PSME4: variants seen among roughly 807,000 people sequenced by gnomAD.
PSME4 encodes the protein proteasome activator complex subunit 4.
PSME4 carries 89 observed loss-of-function variants against 253.9 expected under a neutral mutation model. The ratio of observed to expected loss-of-function variants is 0.35; its 90% CI spans 0.30 to 0.42. The LOEUF (loss-of-function observed/expected upper bound fraction) is 0.42. Among genes scored for constraint, PSME4 ranks in the 10% least tolerant of loss-of-function variants. The probability of loss-of-function intolerance (pLI) is 1.00; values close to 1 mark genes in which losing one functional copy is unlikely to be tolerated. For missense variants in PSME4, 2,014 were observed against 2,195.2 expected, an observed-to-expected ratio of 0.92 and a Z score of 1.65; for synonymous variants, 851 against 759.2, an observed-to-expected ratio of 1.12 and a Z score of -1.99.
At chr2:53,942,459 A>G (rs1669496026) in intron 3 of PSME4, among the ~76,000 whole-genome samples, 1 of 152,054 alleles carries the variant, frequency 6.6e-6, no homozygotes, top group Non-Finnish European at 1.5e-5. Flanking sequence ...AAGATACATC[A>G]GGTTGAAAAA....
In PSME4 at chr2:53,893,778, G is replaced by T. The variant is rs765833532; in HGVS notation, c.3934C>A (p.His1312Asn). 9.3e-6 allele frequency: 15 copies of T among 1,609,126 alleles called. No homozygotes were observed. The highest frequency in any genetic ancestry group is 1.3e-5 in the Non-Finnish European group (15 of 1,177,628). The change falls in exon 35 of 47, where the codon CAT becomes AAT. Residue 1312 changes from histidine (H) to asparagine (N), a missense_variant. By Grantham distance (68) the His-to-Asn change is moderately conservative. Around this residue, in one of 4 missense-constraint regions of PSME4, gnomAD observed 989 missense variants for 1,021.1 expected, o/e 0.97. Coordinates refer to ENST00000404125, the MANE Select transcript of PSME4 (RefSeq NM_014614.3). Reference sequence around the variant, plus strand: ...TCAACAAATTTAGGATCAGAAAAATGATCAAATATAATCTGTTCTGCCTAT... The same window carrying T: ...TCAACAAATTTAGGATCAGAAAAATTATCAAATATAATCTGTTCTGCCTAT... The part of the protein sequence containing the change: ...MTEAEQIIFD[H>N]FSDPKFVEQL...
intron 3 of PSME4, among the ~76,000 whole-genome samples, chr2:53,946,238 G>A (rs896127844): frequency 2.0e-5 from 3 of 152,190 alleles, no homozygotes; most frequent in Non-Finnish European, 4.4e-5. Flanking sequence ...TGGTTATGAA[G>A]CAGCAAGAAG....
intron 1 of PSME4, among the ~76,000 whole-genome samples, chr2:53,954,972 G>A (rs141822471): frequency 0.011 from 1,640 of 151,944 alleles, 32 homozygotes; most frequent in African/African-American, 0.037. Context: ...TTGAGGACAG[G>A]AATTCAAGAC....
rs1419682037 is a variant in PSME4, at chr2:53,970,532, G to A, written c.242+11C>T. The A allele has an allele frequency of 1.3e-6, 2 of 1,547,800 alleles. No homozygotes were observed. The highest frequency in any genetic ancestry group is 1.2e-5 in the South Asian group (1 of 83,934). On this transcript the variant is annotated intron_variant, in intron 1 of 46. Transcript: ENST00000404125. ...CCCCCCGGCCCGGCCCGCAGGCCCG[G>A]GCACACTTACGTGGAGAGTTTCCTG...
chr2:53,970,568 G>C lies in PSME4; in HGVS notation c.217C>G (p.Leu73Val), dbSNP rs758183441. 2.6e-5 allele frequency: 41 copies of C among 1,548,164 alleles called. 1 individual carries two copies. In the South Asian group the frequency reaches 4.8e-4, roughly 18 times the overall value. Residue 73 changes from leucine to valine, a missense_variant, in exon 1 of 47, where the codon CTC becomes GTC. Physicochemically the swap from Leu to Val is conservative, Grantham distance 32. This residue lies in a region of PSME4 where 615 missense variants were observed against 594.4 expected (regional missense o/e 1.03). Transcript: ENST00000404125. ...GTGGAGAGTTTCCTGGTCCAGAAGA[G>C]GCCCCCGGGCCACAGCTCTTGGAGC... The part of the protein sequence containing the change: ...VQLQELWPGG[L>V]FWTRKLSTYI...
At chr2:53,947,445 C>T (rs1232033072) in intron 3 of PSME4, among the ~76,000 whole-genome samples, 1 of 152,206 alleles carries the variant, frequency 6.6e-6, no homozygotes, top group Non-Finnish European at 1.5e-5. Context: ...GTGGCTCACG[C>T]CTGTAATCCC....
intron 1 of PSME4, among the ~76,000 whole-genome samples, chr2:53,969,050 T>A (rs1670888005): frequency 6.6e-6 from 1 of 152,228 alleles, no homozygotes; most frequent in Non-Finnish European, 1.5e-5. Flanking sequence ...AATGGGGAAT[T>A]ACTGTAACAA....
chr2:53,898,385 T>A, intron 29 of PSME4, 31 bp from the exon 30 acceptor site: 1 of 1,464,094 alleles, frequency 6.8e-7, no homozygotes, highest in Non-Finnish European at 9.4e-7. Context: ...ATTATTTTAC[T>A]ATAATACTAA....
At chr2:53,900,107 G>C (rs779143328) in intron 28 of PSME4, 90 bp from the exon 29 acceptor site, 44 of 1,189,364 alleles carry the variant, frequency 3.7e-5, no homozygotes, top group Non-Finnish European at 5.0e-5. Context: ...AAGTGAAAGA[G>C]GCCAGACACA....
rs1402948826 is a variant in PSME4 at position 53,932,033 on chromosome 2, T to C, written c.1118A>G (p.Tyr373Cys). The change falls in exon 10 of 47, where the codon TAC becomes TGC. Residue 373 changes from tyrosine (Y) to cysteine (C), a missense_variant. Coordinates refer to ENST00000404125, the MANE Select transcript of PSME4 (RefSeq NM_014614.3). The stretch of plus-strand genomic sequence containing the variant: ...AGGAGTTAACCAAGAGGGCTTCTTG[T>C]ATCTTTCACGATGCAATCTTCTAAC... Reference protein sequence around the residue: ...SVVRRLHRERYKKPSWLTPVP... With the variant: ...SVVRRLHRERCKKPSWLTPVP... 1.2e-6 allele frequency: 2 copies of C among 1,613,514 alleles called. No individual in the cohort carries two copies. The highest frequency in any genetic ancestry group is 8.5e-7 in the Non-Finnish European group (1 of 1,179,508).
chr2:53,944,914 G>A (rs1669632521), intron 3 of PSME4, among the ~76,000 whole-genome samples: 1 of 151,858 alleles, frequency 6.6e-6, no homozygotes, highest in African/African-American at 2.4e-5. Context: ...AGATTAATAT[G>A]AAAAAAATGA....
chr2:53,891,341 T>C (rs1415684336), intron 36 of PSME4, among the ~76,000 whole-genome samples: 1 of 152,142 alleles, frequency 6.6e-6, no homozygotes, highest in East Asian at 1.9e-4. Context: ...AAATGCAGAT[T>C]GATTCATGTC....
At position 53,866,016 on chromosome 2, in the gene PSME4, G is replaced by GA. The variant is rs569183915; in HGVS notation, c.*4+68dup. The GA allele has an allele frequency of 2.7e-3, 3,847 of 1,412,180 alleles. 12 individuals are homozygous for GA. The highest frequency in any genetic ancestry group is 3.1e-3 in the Non-Finnish European group (3,276 of 1,046,986). 87.5% of individuals were successfully genotyped at this position (1,412,180 alleles called of 1,614,324 possible). ...TGACATCTAAGAATGTCAGCAAAAA[G>GA]AAAAAAAACAATAAATATCTAGTTC... On this transcript the variant is annotated intron_variant, in intron 46 of 46. Transcript: ENST00000404125.
chr2:53,948,190 A>G (rs1054307925), intron 3 of PSME4, among the ~76,000 whole-genome samples: 16 of 152,204 alleles, frequency 1.1e-4, no homozygotes, highest in Admixed American at 9.2e-4. Flanking sequence ...AAAATTAGCT[A>G]TCAAAGAGGC....
chr2:53,913,323 G>A (rs576919550), intron 20 of PSME4, among the ~76,000 whole-genome samples: 1 of 152,298 alleles, frequency 6.6e-6, no homozygotes, highest in East Asian at 1.9e-4. Flanking sequence ...CTTTAGATAT[G>A]ATTAGAGCAG....
At chr2:53,867,007 T>C (rs1055608491) in intron 44 of PSME4, 127 bp from the exon 45 acceptor site, 1 of 907,784 alleles carries the variant, frequency 1.1e-6, no homozygotes, top group Non-Finnish European at 1.7e-6. Context: ...AAAATGAATC[T>C]ACATGTAAAC....
At chr2:53,935,576 G>A (rs1210062729) in intron 7 of PSME4, among the ~76,000 whole-genome samples, 2 of 152,320 alleles carry the variant, frequency 1.3e-5, no homozygotes, top group Admixed American at 6.5e-5. Flanking sequence ...GGGCAGCACT[G>A]TAGAGGAGCA....
chr2:53,923,145 CT>C, intron 15 of PSME4, 27 bp from the exon 16 acceptor site: 5 of 1,574,314 alleles, frequency 3.2e-6, no homozygotes. Flanking sequence ...ATAAGTAAGG[CT>C]TTTTTGAAAG....
Position 53,921,022 on chromosome 2 carries a change from C to A in PSME4, c.2129G>T (p.Cys710Phe). The A allele has an allele frequency of 6.2e-7, 1 of 1,614,086 alleles. No homozygotes were observed. The highest frequency in any genetic ancestry group is 8.5e-7 in the Non-Finnish European group (1 of 1,179,998). ...ACAAGACAGAGTGTAACCCTGCTTA[C>A]AGGTTAAATGTAGGGTTCTTTGGAG... ...KILQRTLHLT[C>F]KQGYTLSCNL... The change falls in exon 18 of 47, where the codon TGT (cysteine) becomes TTT (phenylalanine). Residue 710 changes from cysteine to phenylalanine, a missense_variant. Around this residue, in one of 4 missense-constraint regions of PSME4, gnomAD observed 989 missense variants for 1,021.1 expected, o/e 0.97. Transcript: ENST00000404125.
Sources: gnomAD v4.1 joint callset for allele counts (sites outside exome capture counted in the v4.1 genomes callset) on GRCh38, gnomAD v4.1.1 for gene constraint, gnomAD v4.1.1 regional missense constraint, MANE v1.5 for transcripts, NCBI Gene and HGNC (gene_info 2026-07-23, HGNC 2026-07-21) for gene names.